Variants in FMN1 observed in about 807,000 individuals in gnomAD.
The protein encoded by FMN1 is formin 1, also known as formin-1.
A neutral mutation model predicts 132.4 loss-of-function variants in FMN1; 110 were observed. That is an observed-to-expected ratio of 0.83 (90% CI 0.71 to 0.97). The LOEUF is 0.97. Among genes scored for constraint, FMN1 ranks in the 50% least tolerant of loss-of-function variants. The pLI is 0.00. For missense variants in FMN1, 1,792 were observed against 1,705.3 expected (o/e 1.05, Z -0.90); for synonymous variants, 722 against 651.7 (o/e 1.11, Z -1.64).
chr15:32,776,687 CTTTT>C (rs34593790), intron 20 of FMN1, 144 bp downstream of exon 20: 643 of 452,386 alleles, frequency 1.4e-3, no homozygotes, highest in East Asian at 2.4e-3. Context: ...CCCACACATA[CTTTT>C]TTTTTTTTTT....
chr15:32,934,355 T>C (rs763042155), intron 9 of FMN1, among the ~76,000 whole-genome samples: 1 of 152,144 alleles, frequency 6.6e-6, no homozygotes, highest in African/African-American at 2.4e-5. Flanking sequence ...ATAAATTCTA[T>C]ACCAGAGTTA....
chr15:33,113,900 T>C lies in FMN1; in HGVS notation c.1868-24926A>G, dbSNP rs191614750. ...GAAACTGCTTCTACTGTTCCTTTAATTAGCCTTAACGATGTTTTCACCCAC... is the reference window on the plus strand; with the variant it reads ...GAAACTGCTTCTACTGTTCCTTTAACTAGCCTTAACGATGTTTTCACCCAC... On this transcript the variant is annotated intron_variant, in intron 4 of 20. Transcript: ENST00000616417. Among the ~76,000 whole-genome samples, 177 of 152,320 alleles carry C rather than the reference T, an allele frequency of 1.2e-3. 1 individual carries two copies. The highest frequency in any genetic ancestry group is 4.0e-3 in the African/African-American group (168 of 41,570).
chr15:33,124,811 C>A (rs1382630397), intron 4 of FMN1, among the ~76,000 whole-genome samples: 1 of 150,612 alleles, frequency 6.6e-6, no homozygotes, highest in African/African-American at 2.4e-5. Context: ...GGGATCAATT[C>A]AATACTAGAT....
chr15:32,889,084 G>A (rs1218582330), intron 15 of FMN1, among the ~76,000 whole-genome samples: 1 of 151,958 alleles, frequency 6.6e-6, no homozygotes, highest in East Asian at 1.9e-4. Context: ...CTAACTCCTG[G>A]GCTCAAGCGA....
At chr15:32,908,767 TGGG>T (rs1345574156) in intron 11 of FMN1, among the ~76,000 whole-genome samples, 189 bp from the exon 12 acceptor site, 1 of 151,752 alleles carries the variant, frequency 6.6e-6, no homozygotes, top group East Asian at 1.9e-4. Context: ...GGGGTGTGGG[TGGG>T]GGTGGGGGGA....
chr15:33,108,614 A>T (rs144881407), intron 4 of FMN1, among the ~76,000 whole-genome samples: 3,039 of 152,142 alleles, frequency 0.02, 61 homozygotes, highest in South Asian at 0.092. Context: ...TATAATGAAA[A>T]CTACCCAATC....
intron 19 of FMN1, among the ~76,000 whole-genome samples, chr15:32,785,696 A>G (rs564301813): frequency 4.6e-5 from 7 of 152,244 alleles, no homozygotes; most frequent in Admixed American, 3.3e-4. Flanking sequence ...GGAGCAGAGG[A>G]ATAAACTTTT....
At chr15:32,914,365 A>G (rs7182663) in intron 10 of FMN1, among the ~76,000 whole-genome samples, 1 of 152,164 alleles carries the variant, frequency 6.6e-6, no homozygotes, top group South Asian at 2.1e-4. Context: ...GAAGGATACA[A>G]AACATTCCAG....
chr15:32,791,327 C>A (rs1225582253), intron 19 of FMN1, among the ~76,000 whole-genome samples: 1 of 148,580 alleles, frequency 6.7e-6, no homozygotes, highest in East Asian at 2.0e-4. Context: ...ATTGAAAATT[C>A]ATTTACTCTC....
At chr15:33,072,141 G>C (rs1041252551) in intron 5 of FMN1, among the ~76,000 whole-genome samples, 2 of 151,976 alleles carry the variant, frequency 1.3e-5, no homozygotes, top group African/African-American at 4.8e-5. Context: ...AGTAACTTGG[G>C]GAAAAATCTA....
chr15:33,017,885 C>G (rs1194000976), intron 6 of FMN1, among the ~76,000 whole-genome samples: 1 of 152,064 alleles, frequency 6.6e-6, no homozygotes, highest in Non-Finnish European at 1.5e-5. Flanking sequence ...GCCAACATGG[C>G]AAAACCTAGT....
At chr15:32,783,784 AT>A (rs1567160380) in intron 19 of FMN1, among the ~76,000 whole-genome samples, 10 of 105,762 alleles carry the variant, frequency 9.5e-5, no homozygotes, top group African/African-American at 1.7e-4. Context: ...AAAAAAAAAA[AT>A]AGTTGAAGTG....
intron 5 of FMN1, among the ~76,000 whole-genome samples, chr15:33,065,378 C>T (rs1364119437): frequency 6.6e-6 from 1 of 152,012 alleles, no homozygotes; most frequent in African/African-American, 2.4e-5. Flanking sequence ...ATACTTTGAC[C>T]TGAAGGTACA....
chr15:32,959,937 G>C (rs893543494), intron 9 of FMN1, among the ~76,000 whole-genome samples: 4 of 152,220 alleles, frequency 2.6e-5, no homozygotes, highest in African/African-American at 9.7e-5. Context: ...ATTCAGAGGA[G>C]ATTCTGGTGA....
chr15:33,056,535 C>T (rs569638770), intron 6 of FMN1, among the ~76,000 whole-genome samples: 1 of 152,312 alleles, frequency 6.6e-6, no homozygotes, highest in South Asian at 2.1e-4. Context: ...TTGGCCAAAA[C>T]TCAGTGACTG....
intron 10 of FMN1, among the ~76,000 whole-genome samples, chr15:32,925,519 C>T (rs75211738): frequency 0.064 from 9,781 of 152,036 alleles, 451 homozygotes; most frequent in Middle Eastern, 0.15. Flanking sequence ...GTTTCTTCAA[C>T]AAGTAAATTA....
At chr15:32,850,824 A>G (rs1326954680) in intron 17 of FMN1, among the ~76,000 whole-genome samples, 1 of 152,102 alleles carries the variant, frequency 6.6e-6, no homozygotes, top group Non-Finnish European at 1.5e-5. Context: ...CTTTTTTTTA[A>G]CTTTTATTTT....
intron 17 of FMN1, among the ~76,000 whole-genome samples, chr15:32,816,168 AC>A (rs2058053848): frequency 6.6e-6 from 1 of 152,212 alleles, no homozygotes; most frequent in East Asian, 1.9e-4. Flanking sequence ...GAATTTCAGC[AC>A]CCTGTTTCTC....
At chr15:33,042,100 A>G (rs899508691) in intron 6 of FMN1, among the ~76,000 whole-genome samples, 2 of 152,322 alleles carry the variant, frequency 1.3e-5, no homozygotes, top group Middle Eastern at 3.4e-3. Flanking sequence ...CAGAATTAAT[A>G]GAAACATAAA....
Sources: gnomAD v4.1 joint callset for allele counts (sites outside exome capture counted in the v4.1 genomes callset) on GRCh38, gnomAD v4.1.1 for gene constraint, MANE v1.5 for transcripts, NCBI Gene and HGNC (gene_info 2026-07-23, HGNC 2026-07-21) for gene names.